The following DNAJC15 variants were observed in gnomAD, a reference collection of about 807,000 sequenced individuals.
DNAJC15 encodes dnaJ homolog subfamily C member 15.
DNAJC15 carries 27 observed loss-of-function variants against 22.4 expected under a neutral mutation model. The ratio of observed to expected loss-of-function variants is 1.20; its 90% CI spans 0.89 to 1.66. DNAJC15 has a LOEUF of 1.66. DNAJC15 is among the 40% of genes most tolerant of loss of function. The pLI, the probability that DNAJC15 is intolerant of heterozygous loss-of-function variation, is 0.00. For synonymous variants in DNAJC15, 79 were observed against 63.2 expected, an observed-to-expected ratio of 1.25 and a Z score of -1.19; for missense variants, 208 against 187.1, an observed-to-expected ratio of 1.11 and a Z score of -0.65.
chr13:43,027,116 GA>G (rs1030182951), intron 1 of DNAJC15, among the ~76,000 whole-genome samples: 8 of 152,156 alleles, frequency 5.3e-5, no homozygotes, highest in Non-Finnish European at 8.8e-5. Flanking sequence ...TGGAAAAGTA[GA>G]AAAGAAACTT....
rs554011587 is a variant in DNAJC15 at position 43,109,129 on chromosome 13, G to C, written c.*1881G>C. 6.6e-6 allele frequency: 1 copy of C among 152,162 alleles called. No homozygotes were observed. Among genetic ancestry groups the C allele is most frequent in the Admixed American group, 6.5e-5 (1 of 15,270 alleles). 9.4% of individuals were successfully genotyped at this position (152,162 alleles called of 1,614,324 possible). Reference sequence around the variant, plus strand: ...GCAGGCATTGTATCTGTCTTGTTTGGTGTTACATTGGCACCCAATAAATAT... The same window carrying C: ...GCAGGCATTGTATCTGTCTTGTTTGCTGTTACATTGGCACCCAATAAATAT... On this transcript the variant is annotated 3_prime_UTR_variant, in exon 6 of 6. Coordinates refer to ENST00000379221, the MANE Select transcript of DNAJC15 (RefSeq NM_013238.3).
At chr13:43,037,982 C>T (rs2040436392) in intron 1 of DNAJC15, among the ~76,000 whole-genome samples, 1 of 152,168 alleles carries the variant, frequency 6.6e-6, no homozygotes, top group Non-Finnish European at 1.5e-5. Context: ...CTAAACATTC[C>T]TCAATAATAT....
intron 5 of DNAJC15, among the ~76,000 whole-genome samples, chr13:43,091,090 A>AT (rs1380588977): frequency 5.3e-5 from 8 of 150,392 alleles, no homozygotes; most frequent in Non-Finnish European, 8.9e-5. Flanking sequence ...TTATTTCTTT[A>AT]TTTTTTATTT....
At chr13:43,056,501 T>A (rs183167093) in intron 1 of DNAJC15, among the ~76,000 whole-genome samples, 1 of 152,306 alleles carries the variant, frequency 6.6e-6, no homozygotes, top group Non-Finnish European at 1.5e-5. Context: ...ATTCTTGCAG[T>A]TGTTGGGTAG....
At chr13:43,080,361 C>T (rs2040656105) in intron 4 of DNAJC15, among the ~76,000 whole-genome samples, 1 of 152,178 alleles carries the variant, frequency 6.6e-6, no homozygotes, top group Admixed American at 6.5e-5. Flanking sequence ...GCTTCCAGTT[C>T]ATCCATGTTT....
Position 43,031,921 on chromosome 13 carries a change from G to A in DNAJC15, c.108+8187G>A, listed in dbSNP as rs114456648. Among the ~76,000 whole-genome samples the A allele has an allele frequency of 4.0e-3, 602 of 152,294 alleles. 5 individuals carry two copies. The highest frequency in any genetic ancestry group is 0.014 in the African/African-American group (588 of 41,554). The stretch of plus-strand genomic sequence containing the variant: ...CAAGGGAAATGTAATTCAAGGAATT[G>A]GCTTCATAGCTAGTGGAGTTGTTGA... On this transcript the variant is annotated intron_variant, in intron 1 of 5. Transcript: ENST00000379221.
chr13:43,093,576 A>C lies in DNAJC15; in HGVS notation c.382+7738A>C, dbSNP rs185989173. Among the ~76,000 whole-genome samples the C allele has an allele frequency of 1.1e-4, 17 of 151,936 alleles. No homozygotes were observed. In the East Asian group the frequency reaches 2.9e-3, roughly 26 times the overall value. Reference sequence around the variant, plus strand: ...TAGGTGTGTGCCAACATACCCAGCTAATTTTTTATTTTTATCTTTGTAGAA... The same window carrying C: ...TAGGTGTGTGCCAACATACCCAGCTCATTTTTTATTTTTATCTTTGTAGAA... On this transcript the variant is annotated intron_variant, in intron 5 of 5. Transcript: ENST00000379221.
intron 3 of DNAJC15, among the ~76,000 whole-genome samples, chr13:43,070,499 G>A (rs1331330629): frequency 6.6e-6 from 1 of 151,950 alleles, no homozygotes; most frequent in African/African-American, 2.4e-5. Flanking sequence ...TAAAAGTGTC[G>A]AGTGCTTTTG....
intron 1 of DNAJC15, among the ~76,000 whole-genome samples, chr13:43,059,774 T>C (rs969685551): frequency 3.9e-5 from 6 of 152,016 alleles, no homozygotes; most frequent in Non-Finnish European, 7.4e-5. Flanking sequence ...GAAAAGAGAG[T>C]CAGCAAAGGG....
chr13:43,040,859 C>T (rs1450975290), intron 1 of DNAJC15, among the ~76,000 whole-genome samples: 2 of 152,152 alleles, frequency 1.3e-5, no homozygotes, highest in African/African-American at 4.8e-5. Flanking sequence ...TTTAGATATG[C>T]ATACACATAA....
intron 1 of DNAJC15, among the ~76,000 whole-genome samples, chr13:43,039,743 TG>T (rs1376677441): frequency 6.6e-6 from 1 of 152,194 alleles, no homozygotes; most frequent in African/African-American, 2.4e-5. Context: ...TGGCTGGGCA[TG>T]GTGGCTCATG....
At chr13:43,024,808 C>T (rs1239909935) in intron 1 of DNAJC15, among the ~76,000 whole-genome samples, 4 of 149,486 alleles carry the variant, frequency 2.7e-5, no homozygotes, top group Admixed American at 6.7e-5. Context: ...GTAATCCCAG[C>T]GCTTTAGGAA....
chr13:43,104,993 G>T lies in DNAJC15; in HGVS notation c.383-2185G>T, dbSNP rs529485983. On this transcript the variant is annotated intron_variant, in intron 5 of 5. Coordinates refer to ENST00000379221, the MANE Select transcript of DNAJC15 (RefSeq NM_013238.3). Reference sequence around the variant, plus strand: ...CGTGAGCCACTGTGTCCAGCCAAGAGTATTTTGTTTTCATTAAATTTAGGG... The same window carrying T: ...CGTGAGCCACTGTGTCCAGCCAAGATTATTTTGTTTTCATTAAATTTAGGG... Among the ~76,000 whole-genome samples, 23 of 151,804 alleles carry T rather than the reference G, an allele frequency of 1.5e-4. 1 individual carries two copies. In the South Asian group the frequency reaches 4.0e-3, roughly 26 times the overall value.
chr13:43,048,990 A>T (rs777144951), intron 1 of DNAJC15, among the ~76,000 whole-genome samples: 33 of 96,792 alleles, frequency 3.4e-4, no homozygotes, highest in Non-Finnish European at 9.1e-4. Flanking sequence ...AAAAAGCCTC[A>T]TATGGCATCC....
At chr13:43,085,596 C>G (rs1270153872) in intron 4 of DNAJC15, among the ~76,000 whole-genome samples, 172 bp from the exon 5 acceptor site, 2 of 152,074 alleles carry the variant, frequency 1.3e-5, no homozygotes, top group Non-Finnish European at 2.9e-5. Flanking sequence ...AACATTGAAT[C>G]AATGATTTAT....
At chr13:43,083,733 C>T (rs955241848) in intron 4 of DNAJC15, among the ~76,000 whole-genome samples, 6 of 152,054 alleles carry the variant, frequency 3.9e-5, no homozygotes, top group African/African-American at 1.2e-4. Flanking sequence ...AGTGTTCATA[C>T]CTCTGGTATG....
chr13:43,064,132 T>C (rs897306806), intron 1 of DNAJC15, among the ~76,000 whole-genome samples: 11 of 152,306 alleles, frequency 7.2e-5, no homozygotes, highest in Non-Finnish European at 1.6e-4. Context: ...TGTCATTGCC[T>C]TGTGAAAAGG....
intron 1 of DNAJC15, among the ~76,000 whole-genome samples, chr13:43,058,543 C>T (rs1382027316): frequency 6.6e-6 from 1 of 152,090 alleles, no homozygotes; most frequent in East Asian, 1.9e-4. Context: ...CTATAAGCCT[C>T]CCACTGAGAA....
intron 5 of DNAJC15, among the ~76,000 whole-genome samples, chr13:43,086,334 TACAG>T: frequency 6.6e-6 from 1 of 152,218 alleles, no homozygotes; most frequent in Non-Finnish European, 1.5e-5. Flanking sequence ...AAATTTATCT[TACAG>T]AAAGACAATT....
Sources: gnomAD v4.1 joint callset for allele counts (sites outside exome capture counted in the v4.1 genomes callset) on GRCh38, gnomAD v4.1.1 for gene constraint, MANE v1.5 for transcripts, NCBI Gene and HGNC (gene_info 2026-07-23, HGNC 2026-07-21) for gene names.